The following ANKRD62 variants were observed in gnomAD, a reference collection of about 807,000 sequenced individuals.
The protein encoded by ANKRD62 is ankyrin repeat domain 62, also known as ankyrin repeat domain-containing protein 62.
In ANKRD62, 61 loss-of-function variants were observed where a neutral mutation model predicts 98.8. That is an observed-to-expected ratio of 0.62 (90% CI 0.50 to 0.76). ANKRD62 has a LOEUF of 0.76. Among genes scored for constraint, ANKRD62 ranks in the 30% least tolerant of loss-of-function variants. The pLI, the probability that ANKRD62 is intolerant of heterozygous loss-of-function variation, is 0.00. For synonymous variants in ANKRD62, 341 were observed against 367.9 expected, an observed-to-expected ratio of 0.93 and a Z score of 0.84; for missense variants, 933 against 1,082.9, an observed-to-expected ratio of 0.86 and a Z score of 1.94.
chr18:12,096,425 C>G lies in ANKRD62; in HGVS notation c.614+123C>G, dbSNP rs146055969. The stretch of plus-strand genomic sequence containing the variant: ...ATTATTATTGGGATAGAGAGAAATA[C>G]CAGCAGAAGTCATCAGGTAGAAAAA... On this transcript the variant is annotated intron_variant, in intron 4 of 13. Transcript: ENST00000587848. The G allele has an allele frequency of 5.8e-5, 33 of 573,520 alleles. No homozygotes were observed. In the African/African-American group the frequency reaches 6.2e-4, roughly 11 times the overall value. 35.5% of individuals were successfully genotyped at this position (573,520 alleles called of 1,614,324 possible).
chr18:12,135,913 G>C, the ANKRD62 span, among the ~76,000 whole-genome samples: 2 of 152,130 alleles, frequency 1.3e-5, no homozygotes, highest in Non-Finnish European at 1.5e-5. Flanking sequence ...TTGTAATTTT[G>C]TTTGAGTTCT....
the ANKRD62 span, among the ~76,000 whole-genome samples, chr18:12,171,412 G>T: frequency 3.9e-5 from 6 of 152,152 alleles, no homozygotes; most frequent in Non-Finnish European, 1.5e-5. Context: ...AGTTTGGCTG[G>T]ATATGAAATT....
chr18:12,112,108 A>C (rs1478796730), intron 8 of ANKRD62, among the ~76,000 whole-genome samples: 3 of 124,918 alleles, frequency 2.4e-5, no homozygotes, highest in African/African-American at 6.6e-5. Context: ...CAAGACTCCA[A>C]CTCAAAAAAA....
chr18:12,109,880 T>A (rs1238309571), intron 8 of ANKRD62, among the ~76,000 whole-genome samples: 1 of 148,806 alleles, frequency 6.7e-6, no homozygotes, highest in Non-Finnish European at 1.5e-5. Flanking sequence ...ACTCGATAAA[T>A]GAATTACTGT....
chr18:12,095,729 T>C lies in ANKRD62; in HGVS notation c.507+119T>C, dbSNP rs766924759. ...AGGAAATATATTACGTGCAAATATT[T>C]GCTTTACATACAACTATTTAAAAAT... On this transcript the variant is annotated intron_variant, in intron 3 of 13. Coordinates refer to ENST00000587848, the MANE Select transcript of ANKRD62 (RefSeq NM_001277333.2). 9 of 954,994 alleles carry C rather than the reference T, an allele frequency of 9.4e-6. 1 individual carries two copies. In the South Asian group the frequency reaches 1.7e-4, roughly 18 times the overall value. 59.2% of individuals were successfully genotyped at this position (954,994 alleles called of 1,614,324 possible).
intron 5 of ANKRD62, among the ~76,000 whole-genome samples, chr18:12,099,066 C>A (rs913305831): frequency 2.0e-5 from 3 of 152,082 alleles, no homozygotes; most frequent in Non-Finnish European, 4.4e-5. Flanking sequence ...AATAATAGAA[C>A]AAGTAACAAG....
At chr18:12,135,893 T>G in the ANKRD62 span, among the ~76,000 whole-genome samples, 1 of 151,708 alleles carries the variant, frequency 6.6e-6, no homozygotes, top group Non-Finnish European at 1.5e-5. Flanking sequence ...TGGGGTTGTT[T>G]GTTTTTTTCT....
chr18:12,165,674 T>G, the ANKRD62 span, among the ~76,000 whole-genome samples: 1 of 152,082 alleles, frequency 6.6e-6, no homozygotes, highest in East Asian at 1.9e-4. Flanking sequence ...AAGATAAGAG[T>G]AGTTTCACAC....
chr18:12,122,419 A>G lies in ANKRD62; in HGVS notation c.1357A>G (p.Ile453Val), dbSNP rs2143928890. Residue 453 changes from isoleucine (I) to valine (V), a missense_variant, in exon 11 of 14, where the codon ATT (isoleucine) becomes GTT (valine). Transcript: ENST00000587848. ...KVKFQKMKNN[I>V]SVLQKVLSET... is the part of the protein sequence containing the mutation. Reference sequence around the variant, plus strand: ...AAAATTTCAAAAAATGAAAAATAATATTAGCGTACTACAAAAGGTACTATC... The same window carrying G: ...AAAATTTCAAAAAATGAAAAATAATGTTAGCGTACTACAAAAGGTACTATC... 3.3e-6 allele frequency: 5 copies of G among 1,535,580 alleles called. No individual in the cohort carries two copies. Among genetic ancestry groups the G allele is most frequent in the East Asian group, 2.4e-5 (1 of 40,820 alleles).
rs1344174679 is a variant in ANKRD62, at chr18:12,126,008, A to G, written c.2187A>G (p.Glu729=). 1 of 1,536,596 alleles carries G rather than the reference A, an allele frequency of 6.5e-7. No individual in the cohort carries two copies. The highest frequency in any genetic ancestry group is 8.7e-7 in the Non-Finnish European group (1 of 1,146,924). The change falls in exon 13 of 14, where the codon GAA becomes GAG. Residue 729 remains glutamate, a synonymous_variant. Transcript: ENST00000587848. ...ELHYEREALK[E]KTLHIEHMQG... is the part of the protein sequence containing the mutation. ...ATTATGAAAGAGAGGCTCTCAAAGA[A>G]AAGACGTTGCATATAGAACACATGC...
intron 6 of ANKRD62, chr18:12,102,753 CATA>C: frequency 2.0e-6 from 2 of 1,001,614 alleles, no homozygotes; most frequent in Non-Finnish European, 2.4e-6. Context: ...GGAAGTTACT[CATA>C]ATAAGAAGCA....
chr18:12,135,441 A>G, the ANKRD62 span, among the ~76,000 whole-genome samples: 3 of 149,810 alleles, frequency 2.0e-5, no homozygotes, highest in East Asian at 2.0e-4. Context: ...CCAGTCTATC[A>G]TTGTTGGACA....
In ANKRD62 at chr18:12,095,552, A is replaced by G. The variant is rs1356373095; in HGVS notation, c.449A>G (p.Asn150Ser). ...TALHYAIDNE[N>S]ISMARKLLAY... ...CTGCACTATGCCATTGATAATGAGA[A>G]TATATCAATGGCAAGAAAACTGCTT... is the stretch of plus-strand genomic sequence containing the variant. The change falls in exon 3 of 14, where the codon AAT becomes AGT. Residue 150 changes from asparagine (N) to serine (S), a missense_variant. By Grantham distance (46) the Asn-to-Ser change is conservative. Coordinates refer to ENST00000587848, the MANE Select transcript of ANKRD62 (RefSeq NM_001277333.2). 1.9e-5 allele frequency: 29 copies of G among 1,547,414 alleles called. No individual in the cohort carries two copies. Among genetic ancestry groups the G allele is most frequent in the Non-Finnish European group, 2.3e-5 (27 of 1,152,424 alleles).
intron 13 of ANKRD62, among the ~76,000 whole-genome samples, chr18:12,127,419 A>G (rs2143935454): frequency 6.6e-6 from 1 of 152,330 alleles, no homozygotes; most frequent in East Asian, 1.9e-4. Context: ...AAAAAGACGG[A>G]AAACACTGCA....
intron 4 of ANKRD62, among the ~76,000 whole-genome samples, chr18:12,097,126 G>A (rs1909199050): frequency 1.3e-5 from 2 of 152,056 alleles, no homozygotes; most frequent in Admixed American, 6.6e-5. Context: ...TTCCAGGGTG[G>A]TTGTGTATAA....
At chr18:12,137,699 G>A in the ANKRD62 span, among the ~76,000 whole-genome samples, 1 of 152,178 alleles carries the variant, frequency 6.6e-6, no homozygotes, top group Non-Finnish European at 1.5e-5. Context: ...TGGTTGGTAA[G>A]CTATTAATTA....
the ANKRD62 span, among the ~76,000 whole-genome samples, chr18:12,140,797 G>A: frequency 6.6e-6 from 1 of 152,214 alleles, no homozygotes; most frequent in African/African-American, 2.4e-5. Flanking sequence ...GAGTGTCAGG[G>A]ACCCACTTGA....
chr18:12,130,969 C>T (rs905299376), downstream of ANKRD62, among the ~76,000 whole-genome samples: 8 of 152,166 alleles, frequency 5.3e-5, no homozygotes, highest in Non-Finnish European at 1.0e-4. Flanking sequence ...GGGTTACAGG[C>T]GTGAGTCATC....
the ANKRD62 span, among the ~76,000 whole-genome samples, chr18:12,164,505 T>C: frequency 6.6e-6 from 1 of 151,956 alleles, no homozygotes; most frequent in African/African-American, 2.4e-5. Flanking sequence ...GTTCTGATCA[T>C]TTTTATATCT....
Sources: allele counts gnomAD v4.1 joint callset (sites outside exome capture counted in the v4.1 genomes callset), GRCh38; gene constraint gnomAD v4.1.1; transcripts MANE v1.5; gene names NCBI Gene and HGNC (gene_info 2026-07-23, HGNC 2026-07-21).